The following PIGN variants were observed in gnomAD, a reference collection of about 807,000 sequenced individuals.
PIGN encodes the protein phosphatidylinositol glycan anchor biosynthesis class N.
PIGN carries 117 observed loss-of-function variants against 125.4 expected under a neutral mutation model. The ratio of observed to expected loss-of-function variants is 0.93; its 90% CI spans 0.80 to 1.09. The LOEUF is 1.09. Among genes scored for constraint, PIGN ranks in the 50% least tolerant of loss-of-function variants. The pLI is 0.00. For missense variants in PIGN, 1,075 were observed against 1,094.9 expected (o/e 0.98, Z 0.26); for synonymous variants, 392 against 377.8 (o/e 1.04, Z -0.44).
intron 30 of PIGN, among the ~76,000 whole-genome samples, chr18:62,063,723 A>G (rs1413894616): frequency 6.7e-6 from 1 of 150,298 alleles, no homozygotes; most frequent in Admixed American, 6.6e-5. Context: ...TGTGGCACAT[A>G]TACACCATGG....
At chr18:62,138,521 T>C (rs1260765447) in intron 13 of PIGN, among the ~76,000 whole-genome samples, 1 of 152,176 alleles carries the variant, frequency 6.6e-6, no homozygotes, top group Non-Finnish European at 1.5e-5. Context: ...CAAAGTAACA[T>C]ACTGTAATTA....
chr18:62,176,541 C>T (rs753347264), intron 1 of PIGN, among the ~76,000 whole-genome samples: 1 of 151,944 alleles, frequency 6.6e-6, no homozygotes, highest in Non-Finnish European at 1.5e-5. Context: ...GACATACTAA[C>T]ATCATGTAAC....
intron 23 of PIGN, among the ~76,000 whole-genome samples, chr18:62,091,808 G>A (rs889799044): frequency 5.3e-5 from 8 of 152,142 alleles, no homozygotes; most frequent in African/African-American, 1.9e-4. Context: ...ATGTCTACCT[G>A]TAAGCGTCTA....
chr18:62,153,529 A>T (rs1472803), intron 7 of PIGN: 2 of 151,940 alleles, frequency 1.3e-5, no homozygotes, highest in Non-Finnish European at 2.9e-5. Context: ...AAGCCAAAGG[A>T]TTTCATGCAG....
chr18:62,140,776 T>C (rs2036106756), intron 11 of PIGN, among the ~76,000 whole-genome samples: 2 of 152,172 alleles, frequency 1.3e-5, no homozygotes, highest in South Asian at 4.1e-4. Context: ...TAACAGTTTT[T>C]CAGTATTATA....
chr18:62,105,625 G>A lies in PIGN; in HGVS notation c.1777C>T (p.Leu593=). 1 of 1,540,720 alleles carries A rather than the reference G, an allele frequency of 6.5e-7. No individual in the cohort carries two copies. Among genetic ancestry groups the A allele is most frequent in the Non-Finnish European group, 8.8e-7 (1 of 1,142,148 alleles). The change falls in exon 20 of 31, where the codon CTG becomes TTG. Residue 593 remains leucine, a synonymous_variant. Coordinates refer to ENST00000640252, the MANE Select transcript of PIGN (RefSeq NM_176787.5). ...RLWTRAKMTS[L]SWTFFSLLLA... ...AGCAAAGAGAAGAAAGTCCAACTCA[G>A]TGAGGTCATCTAAAATCAAGAAAAA...
intron 1 of PIGN, 42 bp from the exon 2 acceptor site, chr18:62,163,698 T>C (rs974780534): frequency 2.0e-5 from 3 of 152,316 alleles, no homozygotes; most frequent in African/African-American, 4.8e-5. Context: ...AAAATTCACA[T>C]AACATTTACC....
intron 1 of PIGN, among the ~76,000 whole-genome samples, chr18:62,178,336 C>T (rs912185844): frequency 4.0e-5 from 6 of 151,880 alleles, no homozygotes; most frequent in Non-Finnish European, 5.9e-5. Context: ...GATCCTGTCA[C>T]TCTGCCCCCT....
At chr18:62,122,405 A>G (rs530229103) in intron 14 of PIGN, among the ~76,000 whole-genome samples, 47 of 152,204 alleles carry the variant, frequency 3.1e-4, no homozygotes, top group African/African-American at 1.1e-3. Context: ...ATTTCAATTA[A>G]TATTTTTTTT....
intron 27 of PIGN, among the ~76,000 whole-genome samples, chr18:62,083,424 T>C (rs1034381800): frequency 6.6e-6 from 1 of 151,990 alleles, no homozygotes; most frequent in Non-Finnish European, 1.5e-5. Flanking sequence ...GGGGGAGATA[T>C]GGAAAATAAA....
rs762911601 is a variant in PIGN, at chr18:62,106,936, C to G, written c.1674+50G>C. ...AAATAAGGTCATTTAATACTAGTTA[C>G]AAATATATAAAAGAAATTTGCAAAT... On this transcript the variant is annotated intron_variant, in intron 18 of 30. Coordinates refer to ENST00000640252, the MANE Select transcript of PIGN (RefSeq NM_176787.5). 5.2e-6 allele frequency: 8 copies of G among 1,536,852 alleles called. No homozygotes were observed. In the South Asian group the frequency reaches 9.5e-5, roughly 18 times the overall value.
intron 4 of PIGN, among the ~76,000 whole-genome samples, chr18:62,158,811 C>T (rs560767459): frequency 1.6e-4 from 25 of 152,130 alleles, no homozygotes; most frequent in Admixed American, 1.4e-3. Context: ...CAAATATTAA[C>T]GAGAAATATT....
chr18:62,100,314 T>A (rs915167782), intron 22 of PIGN, among the ~76,000 whole-genome samples: 2 of 152,050 alleles, frequency 1.3e-5, no homozygotes, highest in Non-Finnish European at 2.9e-5. Flanking sequence ...AGATAAAAAA[T>A]AGCAGATGCT....
chr18:62,155,106 T>G (rs2036676748), intron 6 of PIGN, among the ~76,000 whole-genome samples: 1 of 152,204 alleles, frequency 6.6e-6, no homozygotes, highest in African/African-American at 2.4e-5. Context: ...CTTCTCTTAT[T>G]CATAAACTAT....
intron 1 of PIGN, among the ~76,000 whole-genome samples, chr18:62,177,498 A>G (rs2037566666): frequency 6.6e-6 from 1 of 152,140 alleles, no homozygotes; most frequent in South Asian, 2.1e-4. Context: ...TTTGTCTACT[A>G]AGTCCAATGT....
chr18:62,097,038 A>G (rs1306180489), intron 22 of PIGN, among the ~76,000 whole-genome samples: 1 of 151,098 alleles, frequency 6.6e-6, no homozygotes, highest in Non-Finnish European at 1.5e-5. Context: ...CCAAAACACC[A>G]AAAGCAATGG....
chr18:62,060,182 A>T (rs2032030783), intron 30 of PIGN, among the ~76,000 whole-genome samples: 1 of 152,232 alleles, frequency 6.6e-6, no homozygotes. Context: ...TCTTGGTGTC[A>T]TCTCGCCATA....
intron 14 of PIGN, among the ~76,000 whole-genome samples, chr18:62,129,331 C>T (rs1239350843): frequency 1.3e-5 from 2 of 152,226 alleles, no homozygotes; most frequent in African/African-American, 4.8e-5. Flanking sequence ...TTAGCTGTCT[C>T]AGACCCACTG....
intron 1 of PIGN, 47 bp downstream of exon 1, chr18:62,186,795 CCA>C (rs146377685): frequency 0.069 from 10,574 of 152,414 alleles, 430 homozygotes; most frequent in Middle Eastern, 0.16. Flanking sequence ...GGGCGCGACA[CCA>C]CAGTTTGGGC....
Sources: allele counts gnomAD v4.1 joint callset (sites outside exome capture counted in the v4.1 genomes callset), GRCh38; gene constraint gnomAD v4.1.1; transcripts MANE v1.5; gene names NCBI Gene and HGNC (gene_info 2026-07-23, HGNC 2026-07-21).